The following MAP3K7 variants were observed in gnomAD, a reference collection of about 807,000 sequenced individuals.
The protein encoded by MAP3K7 is mitogen-activated protein kinase kinase kinase 7, also known as TGF-beta activated kinase 1.
Under a neutral mutation model 84.8 loss-of-function variants are expected in MAP3K7, and 21 were observed. The ratio of observed to expected loss-of-function variants is 0.25; its 90% CI spans 0.18 to 0.36. The LOEUF (loss-of-function observed/expected upper bound fraction) is 0.36. MAP3K7 is among the 10% of genes least tolerant of loss of function. MAP3K7 has a pLI of 1.00. For missense variants in MAP3K7, 503 were observed against 747.7 expected, an observed-to-expected ratio of 0.67 and a Z score of 3.82; for synonymous variants, 241 against 247.7, an observed-to-expected ratio of 0.97 and a Z score of 0.25.
intron 8 of MAP3K7, chr6:90,550,924 G>A (rs1468945693): frequency 1.3e-5 from 2 of 155,154 alleles, no homozygotes; most frequent in African/African-American, 4.8e-5. Flanking sequence ...ATAATTGTTA[G>A]AACATTTTAA....
chr6:90,552,013 C>T (rs763271144), intron 8 of MAP3K7, 36 bp downstream of exon 8: 18 of 1,569,644 alleles, frequency 1.1e-5, no homozygotes, highest in Non-Finnish European at 1.6e-5. Flanking sequence ...TATTAAATTC[C>T]CCTAAATCCA....
chr6:90,564,517 T>C (rs1336765628), intron 3 of MAP3K7, among the ~76,000 whole-genome samples: 1 of 152,140 alleles, frequency 6.6e-6, no homozygotes, highest in African/African-American at 2.4e-5. Flanking sequence ...CAAGAAGAGC[T>C]AACTATCCTA....
At chr6:90,555,601 A>T (rs1235808080) in intron 6 of MAP3K7, among the ~76,000 whole-genome samples, 3 of 152,128 alleles carry the variant, frequency 2.0e-5, no homozygotes, top group Non-Finnish European at 1.5e-5. Flanking sequence ...TAGGGCTCTC[A>T]ATTTTTAATT....
At chr6:90,570,217 C>T (rs9362751) in intron 2 of MAP3K7, among the ~76,000 whole-genome samples, 5,598 of 152,146 alleles carry the variant, frequency 0.037, 125 homozygotes, top group African/African-American at 0.056. Flanking sequence ...AGTGCACAAA[C>T]AGCATACATT....
intron 6 of MAP3K7, among the ~76,000 whole-genome samples, chr6:90,556,154 C>A (rs888805087): frequency 6.6e-6 from 1 of 152,232 alleles, no homozygotes; most frequent in African/African-American, 2.4e-5. Context: ...TCAGCGCATG[C>A]ACACTGTCTG....
intron 1 of MAP3K7, among the ~76,000 whole-genome samples, chr6:90,573,798 G>A (rs112628827): frequency 7.9e-5 from 12 of 152,244 alleles, no homozygotes; most frequent in Non-Finnish European, 1.3e-4. Context: ...AAATGGGGCT[G>A]CCTCTAGGCA....
At chr6:90,548,295 G>T in intron 9 of MAP3K7, 118 bp from the exon 10 acceptor site, 1 of 865,456 alleles carries the variant, frequency 1.2e-6, no homozygotes, top group Non-Finnish European at 1.7e-6. Flanking sequence ...AATAAAATAA[G>T]ACTTTTCAAG....
At chr6:90,573,487 C>A (rs1776973438) in intron 1 of MAP3K7, among the ~76,000 whole-genome samples, 1 of 152,174 alleles carries the variant, frequency 6.6e-6, no homozygotes, top group Non-Finnish European at 1.5e-5. Flanking sequence ...AGCTTAAATT[C>A]CACTTCATGT....
chr6:90,578,431 C>T (rs1159451117), intron 1 of MAP3K7, among the ~76,000 whole-genome samples: 1 of 152,084 alleles, frequency 6.6e-6, no homozygotes, highest in African/African-American at 2.4e-5. Context: ...TGTGCCACCA[C>T]ACCCAGCTAA....
chr6:90,580,644 T>C (rs1777239569), intron 1 of MAP3K7, among the ~76,000 whole-genome samples: 1 of 152,192 alleles, frequency 6.6e-6, no homozygotes, highest in Admixed American at 6.5e-5. Flanking sequence ...ATGACTGTTT[T>C]TTCCCCAAAG....
At chr6:90,523,629 T>C (rs1233350918) in intron 14 of MAP3K7, 49 bp downstream of exon 14, 5 of 1,251,010 alleles carry the variant, frequency 4.0e-6, no homozygotes, top group African/African-American at 3.0e-5. Flanking sequence ...CAAATGAATA[T>C]AAACATGACT....
chr6:90,535,779 A>G (rs569557827), intron 13 of MAP3K7, among the ~76,000 whole-genome samples: 47 of 152,250 alleles, frequency 3.1e-4, no homozygotes, highest in Admixed American at 5.9e-4. Flanking sequence ...AATATAAACA[A>G]TGAAATCTTA....
chr6:90,554,739 G>A (rs1042241970), intron 6 of MAP3K7, among the ~76,000 whole-genome samples: 3 of 152,108 alleles, frequency 2.0e-5, no homozygotes, highest in Non-Finnish European at 4.4e-5. Flanking sequence ...GTAACATTGG[G>A]TCATTTTAAC....
chr6:90,548,671 A>G (rs1025630740), intron 9 of MAP3K7, among the ~76,000 whole-genome samples: 3 of 152,034 alleles, frequency 2.0e-5, no homozygotes, highest in Admixed American at 2.0e-4. Flanking sequence ...CAGACAGATA[A>G]GTGAAGAAGC....
At chr6:90,533,419 AT>A (rs1473294857) in intron 13 of MAP3K7, among the ~76,000 whole-genome samples, 2 of 152,134 alleles carry the variant, frequency 1.3e-5, no homozygotes, top group Non-Finnish European at 2.9e-5. Context: ...AAAAGAAAGT[AT>A]TATAGGATTT....
intron 13 of MAP3K7, among the ~76,000 whole-genome samples, chr6:90,527,433 T>A (rs551510549): frequency 2.4e-4 from 37 of 151,636 alleles, no homozygotes; most frequent in African/African-American, 6.8e-4. Flanking sequence ...TGGCTAATTT[T>A]AAAAAAAATT....
chr6:90,576,419 T>TCTCACACACACACACACACA (rs1258151898), intron 1 of MAP3K7, among the ~76,000 whole-genome samples: 1 of 136,876 alleles, frequency 7.3e-6, no homozygotes, highest in Non-Finnish European at 1.6e-5. Context: ...CTAGACTCTG[T>TCTCACACACACACACACACA]CACACACACA....
chr6:90,539,387 A>G (rs1775783744), intron 12 of MAP3K7, among the ~76,000 whole-genome samples: 1 of 151,914 alleles, frequency 6.6e-6, no homozygotes, highest in African/African-American at 2.4e-5. Context: ...TTTTATTGAA[A>G]GTGAGGTGGC....
At chr6:90,560,612 G>C (rs999104190) in intron 4 of MAP3K7, among the ~76,000 whole-genome samples, 1 of 152,028 alleles carries the variant, frequency 6.6e-6, no homozygotes, top group African/African-American at 2.4e-5. Flanking sequence ...TGCCTGCCTT[G>C]GCCTCCCAAA....
Sources: gnomAD v4.1 joint callset for allele counts (sites outside exome capture counted in the v4.1 genomes callset) on GRCh38, gnomAD v4.1.1 for gene constraint, MANE v1.5 for transcripts, NCBI Gene and HGNC (gene_info 2026-07-23, HGNC 2026-07-21) for gene names.